Variants in KDM6A observed in about 807,000 individuals in gnomAD.
The protein encoded by KDM6A is lysine demethylase 6A.
KDM6A carries 11 observed loss-of-function variants against 117.6 expected under a neutral mutation model. That is an observed-to-expected ratio of 0.09 (90% CI 0.06 to 0.15). KDM6A has a LOEUF of 0.15. KDM6A is among the 10% of genes least tolerant of loss of function. KDM6A has a pLI of 1.00. For missense variants in KDM6A, 799 were observed against 1,077.3 expected (o/e 0.74, Z 3.62); for synonymous variants, 384 against 396.1 (o/e 0.97, Z 0.36).
intron 17 of KDM6A, among the ~76,000 whole-genome samples, chrX:45,068,434 G>GC (rs1279524098): frequency 1.8e-5 from 2 of 109,374 alleles, no homozygotes; most frequent in African/African-American, 6.7e-5. Context: ...TTAGTATACT[G>GC]CCCCCTCAGA....
At chrX:44,958,325 G>C (rs1483120774) in intron 2 of KDM6A, among the ~76,000 whole-genome samples, 1 of 108,716 alleles carries the variant, frequency 9.2e-6, no homozygotes, top group Non-Finnish European at 1.9e-5. Flanking sequence ...TGGGACTACA[G>C]GCGCCCACCA....
At chrX:44,965,066 C>T (rs940491833) in intron 3 of KDM6A, among the ~76,000 whole-genome samples, 1 of 112,491 alleles carries the variant, frequency 8.9e-6, no homozygotes, top group African/African-American at 3.2e-5. Context: ...ATGGAGATGG[C>T]TTCTTTCCTT....
intron 4 of KDM6A, among the ~76,000 whole-genome samples, chrX:44,988,671 C>G (rs979325600): frequency 9.0e-6 from 1 of 111,290 alleles, no homozygotes; most frequent in East Asian, 2.8e-4. Context: ...TGCTGGAGGT[C>G]CACTCCAGAC....
chrX:44,997,693 C>CT (rs2040931882), intron 4 of KDM6A, among the ~76,000 whole-genome samples: 1 of 111,797 alleles, frequency 8.9e-6, no homozygotes, highest in African/African-American at 3.3e-5. Flanking sequence ...ACACTCTTCC[C>CT]TTCCCAGCAG....
rs369284316 is a variant in KDM6A, at chrX:45,063,756, G to A, written c.2018G>A (p.Arg673His). Residue 673 changes from arginine (R) to histidine (H), a missense_variant, in exon 17 of 30, where the codon CGC (arginine) becomes CAC (histidine). By Grantham distance (29) the Arg-to-His change is conservative. Around this residue, in one of 8 missense-constraint regions of KDM6A, gnomAD observed 301 missense variants for 318.3 expected, o/e 0.95. Transcript: ENST00000611820. ...AACGCACTCACTCTACCTCATAACC[G>A]CACAAACCTGACCAGCAGCGCAGAG... ...QRNALTLPHNRTNLTSSAEEP... is the reference protein window; with the variant it reads ...QRNALTLPHNHTNLTSSAEEP... 140 of 1,203,951 alleles carry A rather than the reference G, an allele frequency of 1.2e-4. No individual in the cohort carries two copies. The highest frequency in any genetic ancestry group is 1.4e-4 in the Non-Finnish European group (126 of 891,920).
intron 2 of KDM6A, among the ~76,000 whole-genome samples, chrX:44,885,351 C>T (rs1457360194): frequency 9.1e-6 from 1 of 110,077 alleles, no homozygotes; most frequent in Non-Finnish European, 1.9e-5. Context: ...AAATCCGTTT[C>T]CCTCCATCCC....
chrX:45,003,947 G>C (rs192098912), intron 4 of KDM6A, among the ~76,000 whole-genome samples: 1 of 89,361 alleles, frequency 1.1e-5, no homozygotes, highest in African/African-American at 4.5e-5. Context: ...CCTTTCTGCT[G>C]GTTTTTCCCT....
chrX:44,873,423 C>A lies in KDM6A; in HGVS notation c.-129C>A. 1.0e-6 allele frequency: 1 copy of A among 991,414 alleles called. No homozygotes were observed. Among genetic ancestry groups the A allele is most frequent in the Non-Finnish European group, 1.4e-6 (1 of 726,816 alleles). The allele number at this position is 991,414 out of a possible 1,213,427, so 81.7% of individuals were successfully genotyped here. A position where few individuals can be genotyped will look rare whatever the true frequency, so the allele number is the denominator to read the frequency against. On this transcript the variant is annotated 5_prime_UTR_variant, in exon 1 of 30. Coordinates refer to ENST00000611820, the MANE Select transcript of KDM6A (RefSeq NM_001291415.2). ...CCGCGTTGGGATTTTTCGTCGCCGC[C>A]GCCCGCGGCGGAGGAGGAGGCGGCG...
rs779434779 is a variant in KDM6A at position 45,026,831 on chromosome X, C to CAA, written c.564+6118_564+6119dup. The stretch of plus-strand genomic sequence containing the variant: ...GGGCAACAATAGCGAAACTCCATCT[C>CAA]AAAAAAAAAAAAAAAAAAGATACTG... On this transcript the variant is annotated intron_variant, in intron 6 of 29. Transcript: ENST00000611820. Among the ~76,000 whole-genome samples the CAA allele has an allele frequency of 2.7e-3, 116 of 42,651 alleles. 1 individual carries two copies. The highest frequency in any genetic ancestry group is 0.024 in the East Asian group (28 of 1,162). 37.0% of individuals were successfully genotyped at this position (42,651 alleles called of 115,157 possible). A position where few individuals can be genotyped will look rare whatever the true frequency, so the allele number is the denominator to read the frequency against.
intron 8 of KDM6A, among the ~76,000 whole-genome samples, chrX:45,048,967 T>C (rs973886598): frequency 9.0e-6 from 1 of 111,048 alleles, no homozygotes; most frequent in Non-Finnish European, 1.9e-5. Flanking sequence ...ACTTGTCTAG[T>C]GACAGACACT....
intron 3 of KDM6A, among the ~76,000 whole-genome samples, chrX:44,963,479 G>GTCTGTCTGTC (rs1217912003): frequency 7.4e-4 from 19 of 25,551 alleles, no homozygotes; most frequent in African/African-American, 2.2e-3. Context: ...GTGTGTGTGT[G>GTCTGTCTGTC]TGTGTGTCTG....
chrX:45,068,201 C>T (rs2044626257), intron 17 of KDM6A, among the ~76,000 whole-genome samples: 2 of 111,418 alleles, frequency 1.8e-5, no homozygotes, highest in Non-Finnish European at 3.8e-5. Context: ...CAAATGTAAA[C>T]TCGTTTTATG....
intron 2 of KDM6A, among the ~76,000 whole-genome samples, chrX:44,888,936 A>G (rs1443951870): frequency 8.9e-6 from 1 of 112,233 alleles, no homozygotes; most frequent in Non-Finnish European, 1.9e-5. Context: ...AAGATGAGTA[A>G]GGATCCTTAG....
At chrX:44,884,322 T>C (rs1180735028) in intron 2 of KDM6A, among the ~76,000 whole-genome samples, 1 of 109,613 alleles carries the variant, frequency 9.1e-6, no homozygotes, top group East Asian at 2.9e-4. Flanking sequence ...TGACCAGAAG[T>C]AGGTTTTATG....
At position 45,058,696 on chromosome X, in the gene KDM6A, T is replaced by TGC. The variant is rs1238298847; in HGVS notation, c.876-309_876-308dup. ...TGGAAGAGTGCCGTGTGTGTGTGTG[T>TGC]GCACATGTGCATGCAGCTCTCAGTA... On this transcript the variant is annotated intron_variant, in intron 10 of 29. Coordinates refer to ENST00000611820, the MANE Select transcript of KDM6A (RefSeq NM_001291415.2). 4.5e-5 allele frequency among the ~76,000 whole-genome samples: 5 copies of TGC among 110,824 alleles called. No individual in the cohort carries two copies. The East Asian group carries it at 1.1e-3, about 25-fold the overall frequency.
intron 4 of KDM6A, among the ~76,000 whole-genome samples, chrX:44,994,476 A>G (rs974829479): frequency 8.9e-6 from 1 of 112,195 alleles, no homozygotes; most frequent in Non-Finnish European, 1.9e-5. Flanking sequence ...TTCAAGGTGT[A>G]TATATACCAC....
intron 27 of KDM6A, among the ~76,000 whole-genome samples, chrX:45,100,002 C>G (rs2046276997): frequency 1.9e-5 from 2 of 107,344 alleles, no homozygotes; most frequent in Admixed American, 1.0e-4. Flanking sequence ...CCACTGCACT[C>G]TAGTCTGGGC....
At chrX:45,017,878 TGTC>T (rs752805250) in intron 5 of KDM6A, among the ~76,000 whole-genome samples, 1 of 111,831 alleles carries the variant, frequency 8.9e-6, no homozygotes, top group African/African-American at 3.3e-5. Context: ...AAGCAAAAAT[TGTC>T]GTTGACCAGT....
chrX:44,948,001 C>T (rs148173639), intron 2 of KDM6A, among the ~76,000 whole-genome samples: 4,219 of 111,233 alleles, frequency 0.038, 215 homozygotes, highest in African/African-American at 0.13. Flanking sequence ...CCCCTGACCG[C>T]CCCCAAAGTC....
Sources: allele counts gnomAD v4.1 joint callset (sites outside exome capture counted in the v4.1 genomes callset), GRCh38; gene constraint gnomAD v4.1.1; regional missense constraint gnomAD v4.1.1; transcripts MANE v1.5; gene names NCBI Gene and HGNC (gene_info 2026-07-23, HGNC 2026-07-21).